PPP3CC: variants seen among roughly 807,000 people sequenced by gnomAD.
PPP3CC encodes the protein serine/threonine-protein phosphatase 2B catalytic subunit gamma isoform.
A neutral mutation model predicts 60.3 loss-of-function variants in PPP3CC; 35 were observed. The ratio of observed to expected loss-of-function variants is 0.58; its 90% CI spans 0.44 to 0.77. The LOEUF is 0.77. PPP3CC is among the 30% of genes least tolerant of loss of function. PPP3CC has a pLI of 0.00. For synonymous variants in PPP3CC, 206 were observed against 224.3 expected, an observed-to-expected ratio of 0.92 and a Z score of 0.73; for missense variants, 570 against 628.9, an observed-to-expected ratio of 0.91 and a Z score of 1.00.
At chr8:22,536,680 T>C (rs747267447) in intron 12 of PPP3CC, among the ~76,000 whole-genome samples, 1 of 152,226 alleles carries the variant, frequency 6.6e-6, no homozygotes, top group Admixed American at 6.5e-5. Flanking sequence ...CTTATTCTTA[T>C]TGATTCACAG....
At position 22,517,656 on chromosome 8, in the gene PPP3CC, C is replaced by T. The variant is rs182262858; in HGVS notation, c.770+4224C>T. Among the ~76,000 whole-genome samples, 326 of 152,126 alleles carry T rather than the reference C, an allele frequency of 2.1e-3. 2 individuals carry two copies. Among genetic ancestry groups the T allele is most frequent in the African/African-American group, 7.0e-3 (289 of 41,524 alleles). ...TCCAGTGTTTTGGTGTGTGATTATT[C>T]GTAATAGTCCGTTATGATCCCTTTT... is the stretch of plus-strand genomic sequence containing the variant. On this transcript the variant is annotated intron_variant, in intron 6 of 13. Coordinates refer to ENST00000240139, the MANE Select transcript of PPP3CC (RefSeq NM_005605.5).
chr8:22,518,004 G>A (rs952648033), intron 6 of PPP3CC, among the ~76,000 whole-genome samples: 1 of 149,940 alleles, frequency 6.7e-6, no homozygotes, highest in Non-Finnish European at 1.5e-5. Context: ...TTTCCTGTAG[G>A]TACTGCTTTT....
intron 1 of PPP3CC, among the ~76,000 whole-genome samples, chr8:22,451,483 T>A (rs1281440156): frequency 6.6e-6 from 1 of 152,224 alleles, no homozygotes; most frequent in Non-Finnish European, 1.5e-5. Flanking sequence ...ATCCAAAATC[T>A]GACATTCTCC....
chr8:22,497,992 G>A lies in PPP3CC; in HGVS notation c.373-9G>A, dbSNP rs573267867. On this transcript the variant is annotated splice_polypyrimidine_tract_variant and intron_variant, in intron 3 of 13. Transcript: ENST00000240139. Reference sequence around the variant, plus strand: ...CAAAGAAAATTTTATGCTTGAATTTGTCTTGTAGTGTGTGCTGTATTTATG... The same window carrying A: ...CAAAGAAAATTTTATGCTTGAATTTATCTTGTAGTGTGTGCTGTATTTATG... 103 of 1,575,636 alleles carry A rather than the reference G, an allele frequency of 6.5e-5. 1 individual carries two copies. In the Middle Eastern group the frequency reaches 1.7e-3, roughly 26 times the overall value.
At chr8:22,539,351 G>A (rs1198790262) in intron 12 of PPP3CC, 118 bp from the exon 13 acceptor site, 12 of 936,926 alleles carry the variant, frequency 1.3e-5, no homozygotes, top group Non-Finnish European at 1.8e-5. Flanking sequence ...TTTCATTATG[G>A]ATGGGGATAG....
At chr8:22,465,617 A>G (rs1382901232) in intron 1 of PPP3CC, among the ~76,000 whole-genome samples, 3 of 152,118 alleles carry the variant, frequency 2.0e-5, no homozygotes, top group Non-Finnish European at 4.4e-5. Context: ...TTGCCCTTCC[A>G]CTATGGGATG....
At chr8:22,497,909 T>C in intron 3 of PPP3CC, 92 bp from the exon 4 acceptor site, 1 of 757,548 alleles carries the variant, frequency 1.3e-6, no homozygotes, top group Non-Finnish European at 2.1e-6. Context: ...CAATGAGATA[T>C]GCCATTACAG....
chr8:22,534,993 G>A (rs1839812886), intron 12 of PPP3CC, among the ~76,000 whole-genome samples: 1 of 152,222 alleles, frequency 6.6e-6, no homozygotes, highest in Non-Finnish European at 1.5e-5. Context: ...GGAACATCTA[G>A]AGTGTTAGGA....
intron 3 of PPP3CC, among the ~76,000 whole-genome samples, chr8:22,482,558 A>G (rs1838100382): frequency 6.6e-6 from 1 of 152,066 alleles, no homozygotes; most frequent in Admixed American, 6.6e-5. Flanking sequence ...ATTTGTCAAT[A>G]TTGGCTTTTG....
intron 1 of PPP3CC, among the ~76,000 whole-genome samples, chr8:22,473,029 A>G (rs973175317): frequency 2.0e-5 from 3 of 152,222 alleles, no homozygotes; most frequent in Non-Finnish European, 4.4e-5. Flanking sequence ...GGTAGCTGCT[A>G]TCGTTTTTTC....
At chr8:22,528,726 A>C in intron 10 of PPP3CC, 149 bp downstream of exon 10, 1 of 600,040 alleles carries the variant, frequency 1.7e-6, no homozygotes, top group Admixed American at 3.7e-5. Flanking sequence ...ACGAGAAACC[A>C]TAAATAAGGA....
intron 1 of PPP3CC, among the ~76,000 whole-genome samples, chr8:22,470,726 A>G (rs1475172457): frequency 1.3e-5 from 2 of 152,236 alleles, no homozygotes; most frequent in African/African-American, 4.8e-5. Flanking sequence ...GTAGACGTTC[A>G]CTGTACTGGA....
chr8:22,444,278 C>G (rs979681192), intron 1 of PPP3CC, among the ~76,000 whole-genome samples: 13 of 142,924 alleles, frequency 9.1e-5, no homozygotes, highest in African/African-American at 3.5e-4. Context: ...AAAAAAAAAA[C>G]TCATCTGTAA....
intron 4 of PPP3CC, among the ~76,000 whole-genome samples, chr8:22,507,220 T>C (rs1353111148): frequency 6.6e-6 from 1 of 152,204 alleles, no homozygotes; most frequent in Non-Finnish European, 1.5e-5. Flanking sequence ...GTGCTGACTC[T>C]CAAAATTGCT....
At chr8:22,538,340 G>A (rs1402015623) in intron 12 of PPP3CC, among the ~76,000 whole-genome samples, 2 of 152,184 alleles carry the variant, frequency 1.3e-5, no homozygotes, top group Non-Finnish European at 2.9e-5. Context: ...TAGCTTTCTT[G>A]TCAAGGGTAT....
At chr8:22,454,995 G>T (rs1199821235) in intron 1 of PPP3CC, among the ~76,000 whole-genome samples, 1 of 147,580 alleles carries the variant, frequency 6.8e-6, no homozygotes, top group Non-Finnish European at 1.5e-5. Flanking sequence ...GGCAGAGCTT[G>T]CAGTGAGCCG....
At chr8:22,527,557 GACTGAGC>G in intron 9 of PPP3CC, 40 bp downstream of exon 9, 1 of 1,602,224 alleles carries the variant, frequency 6.2e-7, no homozygotes. Flanking sequence ...GTTGTTTGGT[GACTGAGC>G]ATACCTTATA....
rs369427673 is a variant in PPP3CC, at chr8:22,527,458, A to G, written c.1010A>G (p.Tyr337Cys). Reference sequence around the variant, plus strand: ...CAGTTTAACTGTTCTCCACACCCCTACTGGCTTCCAAACTTTATGGATGTT... The same window carrying G: ...CAGTTTAACTGTTCTCCACACCCCTGCTGGCTTCCAAACTTTATGGATGTT... ...IRQFNCSPHP[Y>C]WLPNFMDVFT... The change falls in exon 9 of 14, where the codon TAC becomes TGC. Residue 337 changes from tyrosine (Y) to cysteine (C), a missense_variant. Coordinates refer to ENST00000240139, the MANE Select transcript of PPP3CC (RefSeq NM_005605.5). 1.5e-5 allele frequency: 25 copies of G among 1,613,464 alleles called. No homozygotes were observed. The highest frequency in any genetic ancestry group is 1.6e-4 in the Middle Eastern group (1 of 6,084).
chr8:22,510,402 T>C (rs1365847866), intron 4 of PPP3CC, among the ~76,000 whole-genome samples: 6 of 152,212 alleles, frequency 3.9e-5, no homozygotes, highest in African/African-American at 1.4e-4. Context: ...TGACATTTTA[T>C]TGATGTCTCT....
Sources: gnomAD v4.1 joint callset for allele counts (sites outside exome capture counted in the v4.1 genomes callset) on GRCh38, gnomAD v4.1.1 for gene constraint, MANE v1.5 for transcripts, NCBI Gene and HGNC (gene_info 2026-07-23, HGNC 2026-07-21) for gene names.